ZNF14: variants seen among roughly 807,000 people sequenced by gnomAD.
ZNF14 encodes the protein gonadotropin inducible transcription repressor-4.
Under a neutral mutation model 11.3 loss-of-function variants are expected in ZNF14, and 9 were observed. The observed-to-expected ratio is 0.80, with a 90% CI of 0.48 to 1.39. ZNF14 has a LOEUF of 1.39. ZNF14 is among the 40% of genes most tolerant of loss of function. The pLI, the probability that ZNF14 is intolerant of heterozygous loss-of-function variation, is 0.00. For synonymous variants in ZNF14, 239 were observed against 245.7 expected (o/e 0.97, Z 0.25); for missense variants, 711 against 763.9 (o/e 0.93, Z 0.82).
intron 1 of ZNF14, among the ~76,000 whole-genome samples, chr19:19,726,413 C>T (rs979096415): frequency 4.5e-5 from 6 of 134,102 alleles, no homozygotes; most frequent in African/African-American, 8.3e-5. Flanking sequence ...TATTGCAGAA[C>T]GGCAAATGTT....
At chr19:19,717,447 C>A (rs1283168170) in intron 1 of ZNF14, among the ~76,000 whole-genome samples, 1 of 152,174 alleles carries the variant, frequency 6.6e-6, no homozygotes, top group Non-Finnish European at 1.5e-5. Flanking sequence ...AAGGTCCCAA[C>A]ACACAGATAT....
chr19:19,718,464 A>G (rs993702083), intron 1 of ZNF14, among the ~76,000 whole-genome samples: 2 of 152,218 alleles, frequency 1.3e-5, no homozygotes, highest in African/African-American at 4.8e-5. Flanking sequence ...AAGGAGAAAC[A>G]AGACATCAGA....
rs774301990 is a variant in ZNF14, at chr19:19,711,748, G to C, written c.1533C>G (p.Thr511=). The change falls in exon 4 of 4, where the codon ACC becomes ACG. Residue 511 remains threonine (T), a synonymous_variant. Transcript: ENST00000344099. Reference sequence around the variant, plus strand: ...CTCGAAGGGAACTTGAAAAACTGAAGGTTTTACCGCATAGTTTACATTCAT... The same window carrying C: ...CTCGAAGGGAACTTGAAAAACTGAACGTTTTACCGCATAGTTTACATTCAT... The part of the protein sequence containing the change: ...KPYECKLCGK[T]FSFSSSLREH... 1 of 1,614,044 alleles carries C rather than the reference G, an allele frequency of 6.2e-7. No individual in the cohort carries two copies. Among genetic ancestry groups the C allele is most frequent in the East Asian group, 2.2e-5 (1 of 44,874 alleles).
intron 3 of ZNF14, 133 bp downstream of exon 3, chr19:19,713,958 T>TGA: frequency 1.3e-6 from 1 of 784,710 alleles, no homozygotes; most frequent in Non-Finnish European, 2.1e-6. Context: ...TGAACATCTA[T>TGA]GATGTTTTTA....
chr19:19,729,131 C>T (rs1000738715), intron 1 of ZNF14, among the ~76,000 whole-genome samples: 1 of 151,946 alleles, frequency 6.6e-6, no homozygotes, highest in Admixed American at 6.6e-5. Flanking sequence ...CACCCACCAC[C>T]ACACCCAGCT....
At chr19:19,718,008 G>A (rs2062382354) in intron 1 of ZNF14, among the ~76,000 whole-genome samples, 1 of 152,196 alleles carries the variant, frequency 6.6e-6, no homozygotes, top group Non-Finnish European at 1.5e-5. Flanking sequence ...AGTAAACAGA[G>A]ACAAAACCCA....
intron 1 of ZNF14, among the ~76,000 whole-genome samples, chr19:19,719,209 A>G (rs1264794370): frequency 6.6e-6 from 1 of 152,246 alleles, no homozygotes; most frequent in African/African-American, 2.4e-5. Context: ...GCTTTATGAG[A>G]TAAGAAAAGA....
Position 19,714,367 on chromosome 19 carries a change from A to C in ZNF14, c.124T>G (p.Cys42Gly). The C allele has an allele frequency of 1.2e-6, 2 of 1,614,004 alleles. No homozygotes were observed. The highest frequency in any genetic ancestry group is 2.7e-5 in the African/African-American group (2 of 75,040). Residue 42 changes from cysteine to glycine, a missense_variant, in exon 2 of 4, where the codon TGT becomes GGT. Transcript: ENST00000344099. ...GAAATGTTGATATCCTTACCTAGAC[A>C]AACCAGGTTTTTGAAGGTCTCCTGC... is the stretch of plus-strand genomic sequence containing the variant. ...VMQETFKNLVCLGKKWEDQDI... is the reference protein window; with the variant it reads ...VMQETFKNLVGLGKKWEDQDI...
intron 1 of ZNF14, among the ~76,000 whole-genome samples, chr19:19,728,981 CT>C (rs1181354900): frequency 1.3e-5 from 2 of 152,104 alleles, no homozygotes; most frequent in South Asian, 2.1e-4. Context: ...ACCCAGTAAT[CT>C]TTTCCCCCCG....
chr19:19,727,422 C>G (rs1425166189), intron 1 of ZNF14, among the ~76,000 whole-genome samples: 2 of 131,890 alleles, frequency 1.5e-5, no homozygotes, highest in Non-Finnish European at 3.3e-5. Context: ...AGGTGTGAGG[C>G]AATGCACGCA....
Position 19,727,210 on chromosome 19 carries a change from C to G in ZNF14, c.3+5746G>C, listed in dbSNP as rs1006929039. Among the ~76,000 whole-genome samples, 2 of 133,548 alleles carry G rather than the reference C, an allele frequency of 1.5e-5. 1 individual carries two copies. The highest frequency in any genetic ancestry group is 3.3e-5 in the Non-Finnish European group (2 of 60,170). The allele number at this position is 133,548 out of a possible 152,430, so 87.6% of individuals were successfully genotyped here. ...TTTGGCCATCTTGGAGCCTCAAGGCCGAGTACTGTTATATCTTAGTTGTTA... is the reference window on the plus strand; with the variant it reads ...TTTGGCCATCTTGGAGCCTCAAGGCGGAGTACTGTTATATCTTAGTTGTTA... On this transcript the variant is annotated intron_variant, in intron 1 of 3. Transcript: ENST00000344099.
Position 19,712,700 on chromosome 19 carries a change from T to C in ZNF14, c.581A>G (p.Gln194Arg). 1 of 1,613,658 alleles carries C rather than the reference T, an allele frequency of 6.2e-7. No individual in the cohort carries two copies. The highest frequency in any genetic ancestry group is 1.3e-5 in the African/African-American group (1 of 75,022). ...ACATTGCTTACATTCATAGGGTTTC[T>C]GTCCAGCATGAGTCCTTTCATGTCT... Reference protein sequence around the residue: ...FQRHERTHAGQKPYECKQCGK... With the variant: ...FQRHERTHAGRKPYECKQCGK... The change falls in exon 4 of 4, where the codon CAG becomes CGG. Residue 194 changes from glutamine (Q) to arginine (R), a missense_variant. Coordinates refer to ENST00000344099, the MANE Select transcript of ZNF14 (RefSeq NM_021030.3).
chr19:19,714,240 C>T (rs563365438), intron 2 of ZNF14, 89 bp from the exon 3 acceptor site: 3 of 1,580,074 alleles, frequency 1.9e-6, no homozygotes, highest in South Asian at 2.2e-5. Flanking sequence ...CTGTGACTGT[C>T]TGATTCAATC....
chr19:19,715,959 C>G (rs1199517806), intron 1 of ZNF14, among the ~76,000 whole-genome samples: 1 of 152,180 alleles, frequency 6.6e-6, no homozygotes, highest in Non-Finnish European at 1.5e-5. Flanking sequence ...TTTTCTCTCT[C>G]TCACATTTCA....
At chr19:19,717,098 TCA>T (rs1403984337) in intron 1 of ZNF14, among the ~76,000 whole-genome samples, 1 of 152,132 alleles carries the variant, frequency 6.6e-6, no homozygotes, top group Non-Finnish European at 1.5e-5. Context: ...GGTTAAGGAC[TCA>T]GTCCCACAAG....
At chr19:19,714,000 A>T in intron 3 of ZNF14, 91 bp downstream of exon 3, 1 of 1,206,268 alleles carries the variant, frequency 8.3e-7, no homozygotes, top group Non-Finnish European at 1.2e-6. Context: ...TTTTCTAGGA[A>T]TAAATAAATT....
intron 1 of ZNF14, among the ~76,000 whole-genome samples, chr19:19,722,191 C>T (rs2062394992): frequency 1.3e-5 from 2 of 152,160 alleles, no homozygotes; most frequent in Admixed American, 1.3e-4. Flanking sequence ...TAATAATTTG[C>T]AGACTGACAG....
intron 1 of ZNF14, 112 bp from the exon 2 acceptor site, chr19:19,714,599 T>C: frequency 7.7e-7 from 1 of 1,299,384 alleles, no homozygotes; most frequent in Non-Finnish European, 1.0e-6. Flanking sequence ...AAACATTTGG[T>C]GTATGACTCA....
chr19:19,714,713 C>CTTTTTCTTTTTT (rs1555761422), intron 1 of ZNF14, among the ~76,000 whole-genome samples: 2 of 122,850 alleles, frequency 1.6e-5, no homozygotes, highest in African/African-American at 3.0e-5. Context: ...TTTTCTTTTT[C>CTTTTTCTTTTTT]TTTTTTTTTT....
Sources: gnomAD v4.1 joint callset for allele counts (sites outside exome capture counted in the v4.1 genomes callset) on GRCh38, gnomAD v4.1.1 for gene constraint, MANE v1.5 for transcripts, NCBI Gene and HGNC (gene_info 2026-07-23, HGNC 2026-07-21) for gene names.